Variants in USH2A observed in about 807,000 individuals in gnomAD.
USH2A encodes usherin, also known as Usher syndrome 2A (autosomal recessive, mild).
Under a neutral mutation model 538.9 loss-of-function variants are expected in USH2A, and 443 were observed. The observed-to-expected ratio is 0.82, with a 90% confidence interval of 0.76 to 0.89. The LOEUF (loss-of-function observed/expected upper bound fraction) is 0.89. Ranked by LOEUF, USH2A falls within the 40% of genes least tolerant of loss-of-function variation. The pLI, the probability that USH2A is intolerant of heterozygous loss-of-function variation, is 0.00. For missense variants in USH2A, 6,633 were observed against 6,324.8 expected (o/e 1.05, Z -1.65); for synonymous variants, 2,413 against 2,273.5 (o/e 1.06, Z -1.75).
rs397518042 is a variant in USH2A at position 215,844,393 on chromosome 1, A to C, written c.9159T>G (p.Tyr3053Ter). 3 of 1,613,634 alleles carry C rather than the reference A, an allele frequency of 1.9e-6. No individual in the cohort carries two copies. The South Asian group carries it at 3.3e-5, about 18-fold the overall frequency. Reference sequence around the variant, plus strand: ...AGAGCTTATTATTTACATAGATAGAATACTCAGTGACAACACCATTTGGGT... The same window carrying C: ...AGAGCTTATTATTTACATAGATAGACTACTCAGTGACAACACCATTTGGGT... ...PSNPNGVVTE[Y>*]SIYVNNKLYK... The change falls in exon 46 of 72, where the codon TAT becomes TAG. Residue 3053 changes from tyrosine (Y) to a stop codon, truncating the protein, a stop_gained. Transcript: ENST00000307340. LOFTEE classifies it high-confidence loss of function.
chr1:216,189,518 C>T (rs950097799), intron 20 of USH2A, among the ~76,000 whole-genome samples: 1 of 151,918 alleles, frequency 6.6e-6, no homozygotes, highest in Non-Finnish European at 1.5e-5. Context: ...ATAAGTCTTA[C>T]TAATACATGT....
intron 38 of USH2A, among the ~76,000 whole-genome samples, chr1:215,919,990 A>G (rs1347368541): frequency 6.6e-6 from 1 of 151,946 alleles, no homozygotes; most frequent in East Asian, 1.9e-4. Context: ...TAAAACTCTA[A>G]TTTAGTTGTT....
intron 61 of USH2A, among the ~76,000 whole-genome samples, chr1:215,696,966 T>G (rs936043944): frequency 2.0e-5 from 3 of 152,084 alleles, no homozygotes; most frequent in African/African-American, 7.2e-5. Flanking sequence ...GTTTGTTTGT[T>G]TTTTGAGACA....
intron 21 of USH2A, among the ~76,000 whole-genome samples, chr1:216,107,394 T>C (rs1029372255): frequency 1.3e-5 from 2 of 151,860 alleles, no homozygotes; most frequent in African/African-American, 2.4e-5. Context: ...GTAATATTAC[T>C]GGTCTTAAAG....
intron 35 of USH2A, among the ~76,000 whole-genome samples, chr1:215,975,151 T>C (rs1191005052): frequency 1.3e-5 from 2 of 152,206 alleles, no homozygotes; most frequent in African/African-American, 4.8e-5. Context: ...TCTGTTCATG[T>C]CTTTTACCCA....
chr1:216,085,554 G>A (rs1172376333), intron 24 of USH2A, among the ~76,000 whole-genome samples: 2 of 152,138 alleles, frequency 1.3e-5, no homozygotes, highest in Non-Finnish European at 2.9e-5. Flanking sequence ...TCAGCTTTGA[G>A]TTTATGAGAG....
intron 13 of USH2A, among the ~76,000 whole-genome samples, chr1:216,243,501 A>T (rs1420843933): frequency 6.6e-6 from 1 of 152,206 alleles, no homozygotes; most frequent in Non-Finnish European, 1.5e-5. Flanking sequence ...ATTCAGATAG[A>T]GCATCTATTT....
At chr1:215,944,270 T>C (rs974845313) in intron 37 of USH2A, among the ~76,000 whole-genome samples, 2 of 152,188 alleles carry the variant, frequency 1.3e-5, no homozygotes, top group African/African-American at 4.8e-5. Flanking sequence ...GCAGAGACTA[T>C]ATTGCCTGCA....
intron 41 of USH2A, among the ~76,000 whole-genome samples, chr1:215,881,679 G>A (rs964261959): frequency 2.3e-4 from 35 of 152,278 alleles, no homozygotes; most frequent in African/African-American, 8.4e-4. Flanking sequence ...AGCAAGAAAT[G>A]TGTTCTTTAA....
intron 35 of USH2A, among the ~76,000 whole-genome samples, chr1:215,976,138 G>T (rs1667614422): frequency 6.6e-6 from 1 of 152,100 alleles, no homozygotes; most frequent in Non-Finnish European, 1.5e-5. Flanking sequence ...GTATAGAAAT[G>T]CTACTCATTT....
chr1:215,897,719 AAGAG>A (rs1216397493), intron 40 of USH2A, among the ~76,000 whole-genome samples: 4 of 99,772 alleles, frequency 4.0e-5, no homozygotes, highest in African/African-American at 1.3e-4. Flanking sequence ...AAAAGAAAGA[AAGAG>A]AAAGAAAGAA....
intron 34 of USH2A, 66 bp from the exon 35 acceptor site, chr1:215,993,233 AAG>A: frequency 6.2e-7 from 1 of 1,611,852 alleles, no homozygotes. Context: ...ACATTGAGGA[AAG>A]AGAATTCATA....
intron 17 of USH2A, 49 bp from the exon 18 acceptor site, chr1:216,198,633 T>G: frequency 1.6e-5 from 25 of 1,573,232 alleles, no homozygotes; most frequent in Non-Finnish European, 1.8e-5. Flanking sequence ...ACAAAGGGGT[T>G]ACTTTAGGGG....
At chr1:216,101,721 C>G (rs568880992) in intron 21 of USH2A, among the ~76,000 whole-genome samples, 1 of 152,276 alleles carries the variant, frequency 6.6e-6, no homozygotes, top group South Asian at 2.1e-4. Flanking sequence ...AAAAATGAGA[C>G]AGGAAATGTT....
At chr1:216,140,365 C>T (rs1461710996) in intron 21 of USH2A, among the ~76,000 whole-genome samples, 4 of 152,082 alleles carry the variant, frequency 2.6e-5, no homozygotes, top group Non-Finnish European at 4.4e-5. Context: ...ATTGTACCTC[C>T]TAGACTTCTT....
intron 32 of USH2A, among the ~76,000 whole-genome samples, chr1:216,038,236 A>G (rs1445720722): frequency 6.6e-6 from 1 of 152,024 alleles, no homozygotes; most frequent in Non-Finnish European, 1.5e-5. Context: ...AACTTTTTGT[A>G]AAACATCAAT....
Position 215,786,855 on chromosome 1 carries a change from A to ATCCTGC in USH2A, c.10196_10201dup (p.Arg3400_Ile3401insSerArg). 6.2e-7 allele frequency: 1 copy of ATCCTGC among 1,613,876 alleles called. No individual in the cohort carries two copies. ...GGCTTCCATAGATGCTGGGCAGAGG[A>ATCCTGC]TCCTGCACTCTTTGGTTTCCTGAGT... On this transcript the variant is annotated inframe_insertion, in exon 52 of 72. Coordinates refer to ENST00000307340, the MANE Select transcript of USH2A (RefSeq NM_206933.4).
chr1:216,362,232 T>C (rs951979783), intron 4 of USH2A, among the ~76,000 whole-genome samples: 1 of 152,058 alleles, frequency 6.6e-6, no homozygotes, highest in African/African-American at 2.4e-5. Context: ...TTAACATAAA[T>C]GAGTTTTTAT....
At chr1:216,376,743 G>C (rs2038829378) in intron 3 of USH2A, among the ~76,000 whole-genome samples, 1 of 152,040 alleles carries the variant, frequency 6.6e-6, no homozygotes, top group Non-Finnish European at 1.5e-5. Flanking sequence ...AGTCAGAAGG[G>C]CCATCAATCA....
Sources: allele counts gnomAD v4.1 joint callset (sites outside exome capture counted in the v4.1 genomes callset), GRCh38; gene constraint gnomAD v4.1.1; transcripts MANE v1.5; gene names NCBI Gene and HGNC (gene_info 2026-07-23, HGNC 2026-07-21).